ACACA: variants seen among roughly 807,000 people sequenced by gnomAD.
ACACA encodes the protein acetyl-CoA carboxylase alpha.
In ACACA, 103 loss-of-function variants were observed where a neutral mutation model predicts 296.1. The observed-to-expected ratio is 0.35, with a 90% CI of 0.30 to 0.41. The LOEUF (loss-of-function observed/expected upper bound fraction) is 0.41. Ranked by LOEUF, ACACA falls within the 10% of genes least tolerant of loss-of-function variation. The pLI is 1.00. For missense variants in ACACA, 1,554 were observed against 2,989.7 expected (o/e 0.52, Z 11.20); for synonymous variants, 953 against 1,038.6 (o/e 0.92, Z 1.58).
intron 41 of ACACA, among the ~76,000 whole-genome samples, chr17:37,174,404 CT>C (rs1022567445): frequency 6.6e-6 from 1 of 152,068 alleles, no homozygotes; most frequent in Non-Finnish European, 1.5e-5. Context: ...GAATGCTAAG[CT>C]GCTGAGAAGG....
intron 45 of ACACA, among the ~76,000 whole-genome samples, chr17:37,143,249 A>T (rs1301235292): frequency 2.0e-5 from 3 of 151,306 alleles, no homozygotes; most frequent in African/African-American, 7.3e-5. Context: ...TAATTTACTT[A>T]GAAGCATTCA....
intron 3 of ACACA, among the ~76,000 whole-genome samples, chr17:37,314,034 G>A (rs1382168897): frequency 6.6e-6 from 1 of 151,280 alleles, no homozygotes; most frequent in Non-Finnish European, 1.5e-5. Flanking sequence ...ACACAATGGA[G>A]TACTATTGAG....
At chr17:37,306,365 T>C (rs1462289839) in intron 3 of ACACA, among the ~76,000 whole-genome samples, 1 of 152,108 alleles carries the variant, frequency 6.6e-6, no homozygotes, top group African/African-American at 2.4e-5. Context: ...TACCTGGAAG[T>C]CCTCCCTGTT....
rs748434256 is a variant in ACACA, at chr17:37,089,009, ATCC to A, written c.6954_6956del (p.Glu2318del). ...TTTCCTCTATTACCGAGTGAACACC[ATCC>A]TCCTCTGTCAGCTGTTTCTCTAGCC... On this transcript the variant is annotated inframe_deletion, in exon 55 of 56. Coordinates refer to ENST00000616317, the MANE Select transcript of ACACA (RefSeq NM_198834.3). 4 of 1,614,190 alleles carry A rather than the reference ATCC, an allele frequency of 2.5e-6. No individual in the cohort carries two copies. Among genetic ancestry groups the A allele is most frequent in the East Asian group, 2.2e-5 (1 of 44,878 alleles).
At chr17:37,310,264 T>C (rs890403173) in intron 3 of ACACA, among the ~76,000 whole-genome samples, 6 of 152,100 alleles carry the variant, frequency 3.9e-5, no homozygotes, top group Non-Finnish European at 8.8e-5. Flanking sequence ...CCAGGTTTTT[T>C]GGTTTGAGCA....
intron 27 of ACACA, 28 bp from the exon 28 acceptor site, chr17:37,223,629 CT>C: frequency 6.7e-7 from 1 of 1,492,720 alleles, no homozygotes; most frequent in Non-Finnish European, 9.3e-7. Flanking sequence ...AGGCTTAAGC[CT>C]TACATCAAAA....
intron 42 of ACACA, among the ~76,000 whole-genome samples, chr17:37,159,312 C>T (rs2076373831): frequency 2.0e-5 from 3 of 152,056 alleles, no homozygotes; most frequent in Admixed American, 6.5e-5. Context: ...CTCCACCTCC[C>T]GCATTCAAGC....
At position 37,237,991 on chromosome 17, in the gene ACACA, G is replaced by A. The variant is rs557687642; in HGVS notation, c.3121+2485C>T. Among the ~76,000 whole-genome samples, 37 of 152,240 alleles carry A rather than the reference G, an allele frequency of 2.4e-4. 2 individuals are homozygous for A. In the South Asian group the frequency reaches 7.2e-3, roughly 30 times the overall value. ...GCCCAGGCTGGTCTCGAACTCCTGGGCTCAAGCAATCTGCCGGCCTTGGCC... is the reference window on the plus strand; with the variant it reads ...GCCCAGGCTGGTCTCGAACTCCTGGACTCAAGCAATCTGCCGGCCTTGGCC... On this transcript the variant is annotated intron_variant, in intron 24 of 55. Coordinates refer to ENST00000616317, the MANE Select transcript of ACACA (RefSeq NM_198834.3).
chr17:37,289,164 G>A (rs770795285), intron 3 of ACACA, among the ~76,000 whole-genome samples: 65 of 151,876 alleles, frequency 4.3e-4, no homozygotes, highest in South Asian at 1.4e-3. Flanking sequence ...TTGGGAGGCT[G>A]AGCAGGAGAA....
chr17:37,147,652 G>C (rs952616633), intron 45 of ACACA, among the ~76,000 whole-genome samples: 5 of 152,314 alleles, frequency 3.3e-5, no homozygotes, highest in Non-Finnish European at 7.3e-5. Context: ...GAGCTGACAT[G>C]AAGATAGTGA....
At chr17:37,338,536 C>G (rs922748005) in intron 2 of ACACA, among the ~76,000 whole-genome samples, 2 of 151,366 alleles carry the variant, frequency 1.3e-5, no homozygotes, top group Non-Finnish European at 2.9e-5. Flanking sequence ...TGCCTGTAAT[C>G]CCAGCTACTC....
chr17:37,376,551 A>G (rs2050010984), intron 1 of ACACA, among the ~76,000 whole-genome samples: 2 of 151,988 alleles, frequency 1.3e-5, no homozygotes, highest in African/African-American at 4.8e-5. Flanking sequence ...GGGTGGGGAG[A>G]GCTGAGGGAA....
At chr17:37,158,715 C>T (rs2076350310) in intron 42 of ACACA, among the ~76,000 whole-genome samples, 1 of 152,012 alleles carries the variant, frequency 6.6e-6, no homozygotes, top group South Asian at 2.1e-4. Flanking sequence ...GGACCAAGCC[C>T]TTGAATCACT....
chr17:37,350,004 C>G (rs1477754376), intron 1 of ACACA, among the ~76,000 whole-genome samples: 2 of 152,170 alleles, frequency 1.3e-5, no homozygotes, highest in East Asian at 3.9e-4. Flanking sequence ...GTGGTTTACT[C>G]TGTGTGTGCA....
intron 2 of ACACA, among the ~76,000 whole-genome samples, chr17:37,333,901 C>T (rs559731208): frequency 1.3e-5 from 2 of 151,458 alleles, no homozygotes; most frequent in East Asian, 3.9e-4. Context: ...CAGAGGCCTT[C>T]CCCTGTAGGA....
chr17:37,396,127 G>T (rs980372233), intron 1 of ACACA, among the ~76,000 whole-genome samples: 1 of 152,014 alleles, frequency 6.6e-6, no homozygotes, highest in Non-Finnish European at 1.5e-5. Context: ...ATCATCTGGG[G>T]TCAGGAGTTC....
intron 3 of ACACA, among the ~76,000 whole-genome samples, chr17:37,291,424 C>T (rs2083062134): frequency 6.6e-6 from 1 of 152,056 alleles, no homozygotes; most frequent in East Asian, 1.9e-4. Context: ...GATCCACCCG[C>T]CTCAGCCTCC....
chr17:37,217,280 A>C (rs2079049705), intron 29 of ACACA, among the ~76,000 whole-genome samples: 1 of 150,784 alleles, frequency 6.6e-6, no homozygotes, highest in African/African-American at 2.4e-5. Context: ...AAAAAAAAAA[A>C]AAAAAGCTGC....
intron 2 of ACACA, 145 bp from the exon 3 acceptor site, chr17:37,330,570 A>G: frequency 1.0e-6 from 1 of 1,003,908 alleles, no homozygotes; most frequent in Non-Finnish European, 1.5e-6. Context: ...ATTCTATTTC[A>G]GGGCCTTTAA....
Sources: gnomAD v4.1 joint callset for allele counts (sites outside exome capture counted in the v4.1 genomes callset) on GRCh38, gnomAD v4.1.1 for gene constraint, MANE v1.5 for transcripts, NCBI Gene and HGNC (gene_info 2026-07-23, HGNC 2026-07-21) for gene names.